MECOM: variants seen among roughly 807,000 people sequenced by gnomAD.
The protein encoded by MECOM is MDS1 and EVI1 complex locus.
A neutral mutation model predicts 116.3 loss-of-function variants in MECOM; 13 were observed. The ratio of observed to expected loss-of-function variants is 0.11; its 90% CI spans 0.07 to 0.18. MECOM has a LOEUF of 0.18. MECOM is among the 10% of genes least tolerant of loss of function. MECOM has a pLI of 1.00. For missense variants in MECOM, 1,299 were observed against 1,509.0 expected (o/e 0.86, Z 2.31); for synonymous variants, 528 against 535.2 (o/e 0.99, Z 0.19).
At chr3:169,138,803 C>T (rs1560253583) in intron 3 of MECOM, among the ~76,000 whole-genome samples, 1 of 152,084 alleles carries the variant, frequency 6.6e-6, no homozygotes, top group South Asian at 2.1e-4. Flanking sequence ...ATCTACCTTG[C>T]TGTTTTGCAC....
intron 2 of MECOM, among the ~76,000 whole-genome samples, chr3:169,319,965 C>T (rs1461892833): frequency 6.6e-6 from 1 of 152,208 alleles, no homozygotes; most frequent in Non-Finnish European, 1.5e-5. Context: ...GACCCCTTCA[C>T]ATGTTCAAAG....
chr3:169,393,498 C>A (rs1426829777), intron 1 of MECOM, among the ~76,000 whole-genome samples: 1 of 152,076 alleles, frequency 6.6e-6, no homozygotes, highest in Non-Finnish European at 1.5e-5. Flanking sequence ...AAAAAAGGAG[C>A]TTTTCATTCA....
rs962891129 is a variant in MECOM at position 169,574,749 on chromosome 3, C to T, written c.37+88587G>A. On this transcript the variant is annotated intron_variant, in intron 1 of 16. Coordinates refer to ENST00000651503, the MANE Select transcript of MECOM (RefSeq NM_004991.4). ...AAGGTTGGAGTTGAATTAGGGAGAA[C>T]GGAGGTTAAGTCCTAACCTTGAAAG... is the stretch of plus-strand genomic sequence containing the variant. 4.6e-5 allele frequency among the ~76,000 whole-genome samples: 7 copies of T among 151,702 alleles called. No homozygotes were observed. In the South Asian group the frequency reaches 1.5e-3, roughly 32 times the overall value.
chr3:169,297,680 A>G (rs887798895), intron 2 of MECOM, among the ~76,000 whole-genome samples: 1 of 152,182 alleles, frequency 6.6e-6, no homozygotes, highest in African/African-American at 2.4e-5. Flanking sequence ...CTCAATGTAA[A>G]CGTCAATGAT....
rs116924579 is a variant in MECOM, at chr3:169,234,968, A to G, written c.376-91136T>C. Among the ~76,000 whole-genome samples, 4 of 152,232 alleles carry G rather than the reference A, an allele frequency of 2.6e-5. No homozygotes were observed. In the East Asian group the frequency reaches 7.7e-4, roughly 29 times the overall value. ...TTCAGTTGTTTTTAATTGGTTTGCA[A>G]TATTTCACCCTTCAGGGCTTGCCCT... On this transcript the variant is annotated intron_variant, in intron 2 of 16. Coordinates refer to ENST00000651503, the MANE Select transcript of MECOM (RefSeq NM_004991.4).
intron 1 of MECOM, among the ~76,000 whole-genome samples, chr3:169,636,383 C>T (rs1772757343): frequency 6.6e-6 from 1 of 152,198 alleles, no homozygotes; most frequent in Admixed American, 6.5e-5. Context: ...GAAACTACCA[C>T]TCTTTTCTAA....
At chr3:169,295,391 T>A (rs921703606) in intron 2 of MECOM, among the ~76,000 whole-genome samples, 1 of 152,254 alleles carries the variant, frequency 6.6e-6, no homozygotes, top group Non-Finnish European at 1.5e-5. Context: ...TTGAATCTGC[T>A]ATTCTAAAAT....
intron 2 of MECOM, among the ~76,000 whole-genome samples, chr3:169,361,493 A>G (rs1205504628): frequency 6.6e-6 from 1 of 151,826 alleles, no homozygotes; most frequent in Non-Finnish European, 1.5e-5. Flanking sequence ...TGATTATTAA[A>G]ATCAGTTTGC....
intron 2 of MECOM, among the ~76,000 whole-genome samples, chr3:169,311,826 G>A (rs1718832701): frequency 6.6e-6 from 1 of 152,046 alleles, no homozygotes; most frequent in South Asian, 2.1e-4. Flanking sequence ...AATTCTGCAG[G>A]TGGCCAGAAA....
At chr3:169,291,171 C>T (rs910515994) in intron 2 of MECOM, among the ~76,000 whole-genome samples, 3 of 152,098 alleles carry the variant, frequency 2.0e-5, no homozygotes, top group African/African-American at 4.8e-5. Flanking sequence ...CCAACATCAT[C>T]CTCCTTATTG....
At chr3:169,238,184 A>G (rs542190719) in intron 2 of MECOM, among the ~76,000 whole-genome samples, 10 of 151,700 alleles carry the variant, frequency 6.6e-5, no homozygotes, top group South Asian at 6.2e-4. Context: ...CAAAAAAAAA[A>G]AAAAAAGAAA....
intron 2 of MECOM, among the ~76,000 whole-genome samples, chr3:169,290,670 T>G (rs1170987231): frequency 6.6e-6 from 1 of 152,212 alleles, no homozygotes; most frequent in Non-Finnish European, 1.5e-5. Flanking sequence ...TAAACTCTGA[T>G]GATGCTGATG....
At chr3:169,454,464 C>G (rs1746151146) in intron 1 of MECOM, among the ~76,000 whole-genome samples, 5 of 148,712 alleles carry the variant, frequency 3.4e-5, no homozygotes, top group Admixed American at 3.4e-4. Context: ...GCCATTTCTG[C>G]TAAGAATCAA....
intron 2 of MECOM, among the ~76,000 whole-genome samples, chr3:169,191,722 AAGAAAGAAAGAAAGAAAG>A (rs759041396): frequency 2.4e-4 from 11 of 45,182 alleles, no homozygotes; most frequent in Non-Finnish European, 5.0e-4. Context: ...GAAAGAAAAA[AAGAAAGAAAGAAAGAAAG>A]AGAAAGAAAG....
intron 2 of MECOM, among the ~76,000 whole-genome samples, chr3:169,206,278 A>C (rs758944411): frequency 6.6e-6 from 1 of 152,190 alleles, no homozygotes; most frequent in Non-Finnish European, 1.5e-5. Flanking sequence ...CTAGTGAAAA[A>C]TAAGTTGAAA....
intron 2 of MECOM, among the ~76,000 whole-genome samples, chr3:169,271,245 C>A (rs1758909039): frequency 6.6e-6 from 1 of 152,200 alleles, no homozygotes; most frequent in African/African-American, 2.4e-5. Context: ...CACAGTACAG[C>A]AGGGGTTGCA....
chr3:169,452,492 C>A (rs1745777862), intron 1 of MECOM, among the ~76,000 whole-genome samples: 1 of 152,128 alleles, frequency 6.6e-6, no homozygotes, highest in South Asian at 2.1e-4. Context: ...AAGATATTTA[C>A]ATTGTATTGG....
At chr3:169,455,333 A>G (rs1194344502) in intron 1 of MECOM, among the ~76,000 whole-genome samples, 1 of 152,220 alleles carries the variant, frequency 6.6e-6, no homozygotes, top group Non-Finnish European at 1.5e-5. Flanking sequence ...GGATATTTAT[A>G]TCCATATAAA....
chr3:169,433,558 G>A (rs769292483), intron 1 of MECOM, among the ~76,000 whole-genome samples: 8 of 145,948 alleles, frequency 5.5e-5, no homozygotes, highest in Non-Finnish European at 1.2e-4. Context: ...AAGAAAGAAA[G>A]AGGAAGGAAG....
Sources: allele counts gnomAD v4.1 joint callset (sites outside exome capture counted in the v4.1 genomes callset), GRCh38; gene constraint gnomAD v4.1.1; transcripts MANE v1.5; gene names NCBI Gene and HGNC (gene_info 2026-07-23, HGNC 2026-07-21).